Variants in MCC observed in about 807,000 individuals in gnomAD.
MCC encodes MCC regulator of Wnt signaling pathway, also known as colorectal mutant cancer protein.
Under a neutral mutation model 116.2 loss-of-function variants are expected in MCC, and 90 were observed. The observed-to-expected ratio is 0.77, with a 90% CI of 0.65 to 0.92. The LOEUF (loss-of-function observed/expected upper bound fraction) is 0.92. Among genes scored for constraint, MCC ranks in the 40% least tolerant of loss-of-function variants. The pLI is 0.00. For synonymous variants in MCC, 578 were observed against 510.5 expected, an observed-to-expected ratio of 1.13 and a Z score of -1.78; for missense variants, 1,516 against 1,312.2, an observed-to-expected ratio of 1.16 and a Z score of -2.40.
At chr5:113,263,545 G>A (rs1765291793) in intron 3 of MCC, among the ~76,000 whole-genome samples, 1 of 152,092 alleles carries the variant, frequency 6.6e-6, no homozygotes, top group Admixed American at 6.6e-5. Flanking sequence ...CTCTCCTACT[G>A]AAATGTACAC....
At chr5:113,036,550 G>C (rs540617205) in intron 17 of MCC, among the ~76,000 whole-genome samples, 37 of 152,346 alleles carry the variant, frequency 2.4e-4, no homozygotes, top group African/African-American at 8.9e-4. Context: ...AGGTTCTGCA[G>C]GTATGTCGGT....
chr5:113,259,015 TC>T (rs1299546771), intron 3 of MCC, among the ~76,000 whole-genome samples: 1 of 152,196 alleles, frequency 6.6e-6, no homozygotes, highest in Non-Finnish European at 1.5e-5. Context: ...CTTTAAGTGA[TC>T]TATTTAACTT....
chr5:113,217,660 A>G (rs971590520), intron 3 of MCC, among the ~76,000 whole-genome samples: 2 of 149,140 alleles, frequency 1.3e-5, no homozygotes, highest in Non-Finnish European at 2.9e-5. Flanking sequence ...GCTCCAAGCT[A>G]ATCAGGGCAA....
intron 3 of MCC, among the ~76,000 whole-genome samples, chr5:113,261,123 T>C (rs1190040153): frequency 1.3e-5 from 2 of 152,162 alleles, no homozygotes; most frequent in African/African-American, 4.8e-5. Context: ...AAATCAAATA[T>C]GCATTTAATA....
intron 11 of MCC, among the ~76,000 whole-genome samples, chr5:113,082,404 G>T (rs1200630466): frequency 6.6e-6 from 1 of 152,216 alleles, no homozygotes; most frequent in African/African-American, 2.4e-5. Context: ...AGTGCCTCTA[G>T]GATGCTGACT....
intron 3 of MCC, among the ~76,000 whole-genome samples, chr5:113,295,172 TAAA>T (rs112353235): frequency 7.6e-6 from 1 of 132,124 alleles, no homozygotes. Flanking sequence ...TGCAGGAAAT[TAAA>T]AAAAAAAAAA....
At chr5:113,462,024 C>A (rs1457659939) in intron 1 of MCC, among the ~76,000 whole-genome samples, 1 of 152,202 alleles carries the variant, frequency 6.6e-6, no homozygotes, top group Non-Finnish European at 1.5e-5. Context: ...AAGGGTTTAA[C>A]CTGCATGCCT....
chr5:113,176,604 C>G (rs1452669907), intron 3 of MCC, among the ~76,000 whole-genome samples: 1 of 152,148 alleles, frequency 6.6e-6, no homozygotes, highest in African/African-American at 2.4e-5. Context: ...TTGATGTGGC[C>G]CAAACTCAAC....
chr5:113,481,491 C>A (rs541273768), intron 1 of MCC, among the ~76,000 whole-genome samples: 2 of 152,214 alleles, frequency 1.3e-5, no homozygotes, highest in African/African-American at 2.4e-5. Flanking sequence ...GTAATCCCAG[C>A]ACTTTGAGAG....
At chr5:113,247,579 C>G (rs1190899493) in intron 3 of MCC, among the ~76,000 whole-genome samples, 3 of 152,116 alleles carry the variant, frequency 2.0e-5, no homozygotes, top group Non-Finnish European at 4.4e-5. Flanking sequence ...TCTTAAGGAT[C>G]ACTCTGGAAA....
intron 3 of MCC, among the ~76,000 whole-genome samples, chr5:113,260,497 G>T (rs921089853): frequency 6.6e-6 from 1 of 152,086 alleles, no homozygotes; most frequent in Non-Finnish European, 1.5e-5. Flanking sequence ...AAAATGAAGG[G>T]TGTCTTGCAA....
intron 6 of MCC, among the ~76,000 whole-genome samples, chr5:113,116,835 A>G (rs1757425591): frequency 6.6e-6 from 1 of 152,202 alleles, no homozygotes; most frequent in Non-Finnish European, 1.5e-5. Flanking sequence ...CTAGGAGAAA[A>G]CACACAGTCA....
chr5:113,190,553 TCAC>T (rs552764328), intron 3 of MCC, among the ~76,000 whole-genome samples: 46 of 152,248 alleles, frequency 3.0e-4, no homozygotes, highest in African/African-American at 1.1e-3. Flanking sequence ...TGTTCCTGAA[TCAC>T]AGCTAAAGAA....
Position 113,202,681 on chromosome 5 carries a change from G to A in MCC, c.628-51259C>T, listed in dbSNP as rs77788685. 1.1e-4 allele frequency among the ~76,000 whole-genome samples: 17 copies of A among 151,716 alleles called. No homozygotes were observed. In the East Asian group the frequency reaches 3.1e-3, roughly 28 times the overall value. ...ATAATTAGCCTCTGCTTGCAGAGAT[G>A]AGACAGTTTATCAGACTTTATGACT... On this transcript the variant is annotated intron_variant, in intron 3 of 18. Transcript: ENST00000408903.
At chr5:113,414,751 T>A (rs1158640310) in intron 1 of MCC, among the ~76,000 whole-genome samples, 3 of 152,164 alleles carry the variant, frequency 2.0e-5, no homozygotes, top group Non-Finnish European at 2.9e-5. Context: ...AATTGGGGCA[T>A]TTTAGCCCAC....
At chr5:113,383,075 G>A (rs1482477652) in intron 2 of MCC, among the ~76,000 whole-genome samples, 1 of 152,140 alleles carries the variant, frequency 6.6e-6, no homozygotes, top group Admixed American at 6.5e-5. Flanking sequence ...TTAGATGTGT[G>A]CAGCAATTCT....
intron 4 of MCC, 49 bp downstream of exon 4, chr5:113,151,260 T>C (rs780810130): frequency 3.5e-6 from 4 of 1,152,422 alleles, no homozygotes; most frequent in Non-Finnish European, 1.3e-6. Context: ...AGATTAAATA[T>C]TTAAAACAAA....
At chr5:113,071,431 A>G (rs1395481517) in intron 11 of MCC, among the ~76,000 whole-genome samples, 197 bp from the exon 12 acceptor site, 1 of 152,232 alleles carries the variant, frequency 6.6e-6, no homozygotes, top group African/African-American at 2.4e-5. Context: ...CAAATAAAAA[A>G]TAAGCCCCCT....
At chr5:113,215,285 G>A (rs1022403744) in intron 3 of MCC, among the ~76,000 whole-genome samples, 1 of 152,194 alleles carries the variant, frequency 6.6e-6, no homozygotes, top group Admixed American at 6.5e-5. Flanking sequence ...CAACTTGGTG[G>A]GGGGAGGAAA....
Sources: gnomAD v4.1 joint callset for allele counts (sites outside exome capture counted in the v4.1 genomes callset) on GRCh38, gnomAD v4.1.1 for gene constraint, MANE v1.5 for transcripts, NCBI Gene and HGNC (gene_info 2026-07-23, HGNC 2026-07-21) for gene names.